FHIT: variants seen among roughly 807,000 people sequenced by gnomAD.
The protein encoded by FHIT is bis(5'-adenosyl)-triphosphatase.
Under a neutral mutation model 17.9 loss-of-function variants are expected in FHIT, and 19 were observed. The observed-to-expected ratio is 1.06, with a 90% confidence interval of 0.74 to 1.56. The LOEUF is 1.56. FHIT is among the 40% of genes most tolerant of loss of function. The pLI is 0.00. For missense variants in FHIT, 248 were observed against 189.2 expected, an observed-to-expected ratio of 1.31 and a Z score of -1.82; for synonymous variants, 81 against 69.7, an observed-to-expected ratio of 1.16 and a Z score of -0.81.
intron 2 of FHIT, among the ~76,000 whole-genome samples, chr3:61,168,946 T>TAC (rs3030043): frequency 0.46 from 70,332 of 151,850 alleles, 17,088 homozygotes; most frequent in East Asian, 0.85. Context: ...GTAGCACACA[T>TAC]ATTGATCTCT....
chr3:60,941,481 T>C (rs1553774513), intron 3 of FHIT, among the ~76,000 whole-genome samples: 1 of 152,226 alleles, frequency 6.6e-6, no homozygotes, highest in Non-Finnish European at 1.5e-5. Context: ...AATTTGCATT[T>C]ATAAGGGATG....
At chr3:60,955,787 A>G (rs1709125061) in intron 3 of FHIT, among the ~76,000 whole-genome samples, 1 of 151,850 alleles carries the variant, frequency 6.6e-6, no homozygotes, top group Non-Finnish European at 1.5e-5. Context: ...TTAGGTACAA[A>G]AACACTTCAG....
intron 4 of FHIT, among the ~76,000 whole-genome samples, chr3:60,733,883 G>T (rs932002127): frequency 6.6e-6 from 1 of 152,144 alleles, no homozygotes; most frequent in Non-Finnish European, 1.5e-5. Flanking sequence ...TGCTAGGATA[G>T]AAGTTTTTAT....
chr3:61,063,363 C>T (rs781649222), intron 2 of FHIT, among the ~76,000 whole-genome samples: 9 of 151,990 alleles, frequency 5.9e-5, no homozygotes, highest in Non-Finnish European at 1.3e-4. Context: ...TACAAGGCCA[C>T]AAGTTCGTAA....
intron 1 of FHIT, among the ~76,000 whole-genome samples, chr3:61,211,456 G>C (rs961447530): frequency 3.9e-5 from 6 of 152,230 alleles, no homozygotes; most frequent in Non-Finnish European, 4.4e-5. Flanking sequence ...TGGGGGAGGG[G>C]CGCCCGCCAT....
chr3:60,861,853 G>C (rs1409592384), intron 3 of FHIT, among the ~76,000 whole-genome samples: 2 of 151,772 alleles, frequency 1.3e-5, no homozygotes, highest in East Asian at 3.9e-4. Context: ...GGGAGGCTGA[G>C]GCAGGAGAAT....
At chr3:60,710,033 C>T (rs576458140) in intron 4 of FHIT, among the ~76,000 whole-genome samples, 238 of 142,088 alleles carry the variant, frequency 1.7e-3, no homozygotes, top group African/African-American at 6.1e-3. Context: ...TACACAGCAG[C>T]AGTTCTTTCT....
intron 4 of FHIT, among the ~76,000 whole-genome samples, chr3:60,707,385 G>T (rs1409881039): frequency 6.6e-6 from 1 of 152,044 alleles, no homozygotes; most frequent in African/African-American, 2.4e-5. Context: ...TTATTTGGGG[G>T]GTTTACACAT....
At chr3:60,382,331 G>T (rs1455381803) in intron 5 of FHIT, among the ~76,000 whole-genome samples, 1 of 152,164 alleles carries the variant, frequency 6.6e-6, no homozygotes, top group African/African-American at 2.4e-5. Flanking sequence ...AATGCAACAA[G>T]AGTGCCACAT....
At position 61,072,365 on chromosome 3, in the gene FHIT, C is replaced by G. The variant is rs141657086; in HGVS notation, c.-163-30266G>C. The stretch of plus-strand genomic sequence containing the variant: ...AAGCATGGTAACTTCATTCCCCTTG[C>G]AAGGGATCACTTCAGGGTATGGTTT... On this transcript the variant is annotated intron_variant, in intron 2 of 9. Transcript: ENST00000492590. Among the ~76,000 whole-genome samples the G allele has an allele frequency of 3.2e-3, 482 of 152,298 alleles. 4 individuals carry two copies. The highest frequency in any genetic ancestry group is 0.011 in the African/African-American group (444 of 41,558).
At chr3:60,805,329 A>G (rs1701345190) in intron 4 of FHIT, among the ~76,000 whole-genome samples, 1 of 152,110 alleles carries the variant, frequency 6.6e-6, no homozygotes. Flanking sequence ...CTAGAGGCTG[A>G]AAGTCCAAGA....
chr3:61,043,608 C>A (rs1255469593), intron 2 of FHIT, among the ~76,000 whole-genome samples: 1 of 152,200 alleles, frequency 6.6e-6, no homozygotes, highest in Non-Finnish European at 1.5e-5. Flanking sequence ...ACGTCCCTGT[C>A]TGACAGCTTT....
At chr3:60,382,510 T>A (rs949486070) in intron 5 of FHIT, among the ~76,000 whole-genome samples, 9 of 152,196 alleles carry the variant, frequency 5.9e-5, no homozygotes, top group Admixed American at 1.3e-4. Flanking sequence ...AGAAAACTTG[T>A]ATGAATTGGT....
At chr3:60,331,838 C>T (rs1709992577) in intron 5 of FHIT, among the ~76,000 whole-genome samples, 1 of 140,850 alleles carries the variant, frequency 7.1e-6, no homozygotes, top group East Asian at 2.0e-4. Flanking sequence ...AAGAGCAAAA[C>T]TCTGTCTCGG....
intron 3 of FHIT, 89 bp from the exon 4 acceptor site, chr3:60,822,100 A>G (rs1701949281): frequency 6.6e-6 from 1 of 152,210 alleles, no homozygotes; most frequent in South Asian, 2.1e-4. Context: ...TTCACCATGA[A>G]TACTGAGCAT....
intron 5 of FHIT, among the ~76,000 whole-genome samples, chr3:60,099,879 G>C (rs1320205478): frequency 6.6e-6 from 1 of 152,198 alleles, no homozygotes; most frequent in Non-Finnish European, 1.5e-5. Context: ...CAATCAGACT[G>C]TCTGAGCTGC....
chr3:60,133,544 G>A (rs1699685502), intron 5 of FHIT, among the ~76,000 whole-genome samples: 1 of 152,038 alleles, frequency 6.6e-6, no homozygotes, highest in South Asian at 2.1e-4. Context: ...GGAGAAGTGT[G>A]GGAGGCCCCT....
chr3:60,524,055 C>T (rs896858990), intron 5 of FHIT, among the ~76,000 whole-genome samples: 3 of 152,184 alleles, frequency 2.0e-5, no homozygotes, highest in Admixed American at 6.5e-5. Flanking sequence ...ACCAGGGTCA[C>T]TCATCTAGCA....
At chr3:60,889,707 A>G (rs1009730651) in intron 3 of FHIT, among the ~76,000 whole-genome samples, 5 of 152,214 alleles carry the variant, frequency 3.3e-5, no homozygotes, top group Admixed American at 1.3e-4. Context: ...ATATGCAGCC[A>G]TTCCTCAATA....
Sources: gnomAD v4.1 joint callset for allele counts (sites outside exome capture counted in the v4.1 genomes callset) on GRCh38, gnomAD v4.1.1 for gene constraint, MANE v1.5 for transcripts, NCBI Gene and HGNC (gene_info 2026-07-23, HGNC 2026-07-21) for gene names.